TNNI3K: variants seen among roughly 807,000 people sequenced by gnomAD.
TNNI3K encodes TNNI3 interacting kinase.
A neutral mutation model predicts 114.5 loss-of-function variants in TNNI3K; 140 were observed. The observed-to-expected ratio is 1.22, with a 90% CI of 1.07 to 1.41. TNNI3K has a LOEUF of 1.41. Among genes scored for constraint, TNNI3K ranks in the 40% most tolerant of loss-of-function variants. TNNI3K has a pLI of 0.00. For synonymous variants in TNNI3K, 347 were observed against 347.5 expected (o/e 1.00, Z 0.02); for missense variants, 1,125 against 1,007.6 (o/e 1.12, Z -1.58).
At chr1:74,275,833 A>G (rs1460749253) in intron 5 of TNNI3K, among the ~76,000 whole-genome samples, 1 of 152,122 alleles carries the variant, frequency 6.6e-6, no homozygotes, top group Non-Finnish European at 1.5e-5. Context: ...TCTGTGGTTT[A>G]CAATATATAA....
At chr1:74,486,492 G>GTT (rs1370637601) in intron 21 of TNNI3K, among the ~76,000 whole-genome samples, 2 of 117,748 alleles carry the variant, frequency 1.7e-5, no homozygotes, top group Admixed American at 1.9e-4. Context: ...TTTTGTGTGT[G>GTT]TTTTTTGTTT....
chr1:74,371,568 A>G (rs774344257), intron 17 of TNNI3K: 4 of 151,844 alleles, frequency 2.6e-5, no homozygotes, highest in Non-Finnish European at 5.9e-5. Flanking sequence ...TAGGGAAGAC[A>G]TAATAAAATG....
At chr1:74,299,974 T>C (rs554393230) in intron 5 of TNNI3K, among the ~76,000 whole-genome samples, 1 of 152,322 alleles carries the variant, frequency 6.6e-6, no homozygotes, top group Admixed American at 6.5e-5. Flanking sequence ...TCATTCATTT[T>C]TGTTCATATT....
chr1:74,297,757 T>A (rs565427681), intron 5 of TNNI3K, among the ~76,000 whole-genome samples: 1 of 152,230 alleles, frequency 6.6e-6, no homozygotes, highest in Non-Finnish European at 1.5e-5. Context: ...GGTCTATAAT[T>A]TTTTGTATTT....
chr1:74,472,206 G>T, intron 21 of TNNI3K: 2 of 715,916 alleles, frequency 2.8e-6, no homozygotes, highest in East Asian at 2.7e-5. Flanking sequence ...TGATATCTGT[G>T]GAACAATAAA....
rs1416897257 is a variant in TNNI3K, at chr1:74,354,122, T to C, written c.1170T>C (p.Tyr390=). 1 of 1,613,986 alleles carries C rather than the reference T, an allele frequency of 6.2e-7. No homozygotes were observed. The highest frequency in any genetic ancestry group is 1.7e-5 in the Admixed American group (1 of 59,996). Residue 390 remains tyrosine, a synonymous_variant, in exon 11 of 25, where the codon TAT becomes TAC. Transcript: ENST00000326637. ...AGCAGACATGTTTGATGTGGGCTTA[T>C]GAAAAAGGTATATTTTTAATCATCG... ...KDEQTCLMWA[Y]EKGHDAIVTL...
chr1:74,336,364 T>C (rs1660465177), intron 7 of TNNI3K, among the ~76,000 whole-genome samples: 1 of 152,194 alleles, frequency 6.6e-6, no homozygotes, highest in African/African-American at 2.4e-5. Flanking sequence ...TTATTTTTAA[T>C]TATACTTTAA....
chr1:74,379,389 A>G (rs1279427750), intron 17 of TNNI3K, among the ~76,000 whole-genome samples: 1 of 152,094 alleles, frequency 6.6e-6, no homozygotes, highest in Non-Finnish European at 1.5e-5. Flanking sequence ...TAAAATAAAA[A>G]GACTATGGCC....
intron 21 of TNNI3K, among the ~76,000 whole-genome samples, chr1:74,467,534 G>T (rs1570657974): frequency 6.6e-6 from 1 of 151,762 alleles, no homozygotes; most frequent in South Asian, 2.1e-4. Flanking sequence ...ACAGATTTTG[G>T]AAACTGGAAC....
At chr1:74,420,547 A>G (rs572086970) in intron 17 of TNNI3K, among the ~76,000 whole-genome samples, 1 of 152,230 alleles carries the variant, frequency 6.6e-6, no homozygotes, top group South Asian at 2.1e-4. Context: ...ATTAAATACC[A>G]ACATACATCT....
intron 7 of TNNI3K, among the ~76,000 whole-genome samples, chr1:74,337,705 C>T (rs1404068147): frequency 6.6e-6 from 1 of 151,958 alleles, no homozygotes; most frequent in South Asian, 2.1e-4. Context: ...TCTTATCTTT[C>T]CCTTCCCTTA....
chr1:74,409,786 G>T (rs1270971827), intron 17 of TNNI3K, among the ~76,000 whole-genome samples: 1 of 152,042 alleles, frequency 6.6e-6, no homozygotes, highest in South Asian at 2.1e-4. Flanking sequence ...GAGCCACCAC[G>T]CCCACCTTTT....
intron 17 of TNNI3K, chr1:74,374,204 A>G (rs1158467257): frequency 2.0e-5 from 3 of 151,924 alleles, no homozygotes; most frequent in African/African-American, 7.2e-5. Flanking sequence ...AGTGAAACCT[A>G]TGGATTTAGA....
At chr1:74,543,728 C>T (rs1039396752) in intron 24 of TNNI3K, among the ~76,000 whole-genome samples, 178 bp from the exon 25 acceptor site, 1 of 152,208 alleles carries the variant, frequency 6.6e-6, no homozygotes, top group Non-Finnish European at 1.5e-5. Flanking sequence ...TGCCTGGTCT[C>T]AGCTCTCTGT....
chr1:74,342,671 A>C (rs535617677), intron 7 of TNNI3K, among the ~76,000 whole-genome samples, 171 bp from the exon 8 acceptor site: 14 of 152,306 alleles, frequency 9.2e-5, no homozygotes, highest in African/African-American at 3.4e-4. Context: ...GCAATAGAAT[A>C]ACATTAAAAT....
At chr1:74,348,717 C>G (rs1661160183) in intron 9 of TNNI3K, among the ~76,000 whole-genome samples, 1 of 152,138 alleles carries the variant, frequency 6.6e-6, no homozygotes, top group East Asian at 1.9e-4. Flanking sequence ...CCTTCACATC[C>G]CTTGTAAGTT....
At chr1:74,373,808 G>C (rs997386236) in intron 17 of TNNI3K, 1 of 151,778 alleles carries the variant, frequency 6.6e-6, no homozygotes, top group African/African-American at 2.4e-5. Flanking sequence ...TGAAAAAAAA[G>C]AACTCTACTT....
intron 17 of TNNI3K, among the ~76,000 whole-genome samples, chr1:74,421,034 A>T (rs1010929067): frequency 2.6e-5 from 4 of 152,132 alleles, no homozygotes; most frequent in Admixed American, 1.3e-4. Flanking sequence ...CCAATAATGG[A>T]ACACTAGGAA....
rs946258075 is a variant in TNNI3K at position 74,527,656 on chromosome 1, G to A, written c.2352-12578G>A. Among the ~76,000 whole-genome samples the A allele has an allele frequency of 2.0e-5, 3 of 152,304 alleles. No homozygotes were observed. In the South Asian group the frequency reaches 6.2e-4, roughly 32 times the overall value. On this transcript the variant is annotated intron_variant, in intron 23 of 24. Transcript: ENST00000326637. ...TTTATCAGCCAGGACAGGGTGTTAG[G>A]GTGTTGATCTACATGTGTTGGGCAG... is the stretch of plus-strand genomic sequence containing the variant.
Sources: allele counts gnomAD v4.1 joint callset (sites outside exome capture counted in the v4.1 genomes callset), GRCh38; gene constraint gnomAD v4.1.1; transcripts MANE v1.5; gene names NCBI Gene and HGNC (gene_info 2026-07-23, HGNC 2026-07-21).